Variants in OR2T35 observed in about 807,000 individuals in gnomAD.
OR2T35 encodes the protein olfactory receptor 2T35.
For synonymous variants in OR2T35, 18 were observed against 110.2 expected (o/e 0.16, Z 5.24); for missense variants, 47 against 278.8 (o/e 0.17, Z 5.92).
chr1:248,642,029 G>A (rs1415814814), intron 1 of OR2T35, among the ~76,000 whole-genome samples: 5 of 62,846 alleles, frequency 8.0e-5, no homozygotes, highest in Non-Finnish European at 2.7e-4. Flanking sequence ...AGTTACTTCT[G>A]TTTACATCGG....
chr1:248,639,809 C>T (rs2103108076), intron 1 of OR2T35, among the ~76,000 whole-genome samples: 1 of 11,732 alleles, frequency 8.5e-5, no homozygotes, highest in South Asian at 1.9e-3. Flanking sequence ...TACTGAACAG[C>T]TTTATGAAAG....
At position 248,638,775 on chromosome 1, in the gene OR2T35, CAGGA is replaced by C; in HGVS notation, c.480_483del (p.Pro161SerfsTer3). 1 of 1,178,744 alleles carries C rather than the reference CAGGA, an allele frequency of 8.5e-7. No homozygotes were observed. The highest frequency in any genetic ancestry group is 1.2e-6 in the Non-Finnish European group (1 of 835,270). 73.0% of individuals were successfully genotyped at this position (1,178,744 alleles called of 1,614,324 possible). A position where few individuals can be genotyped will look rare whatever the true frequency, so the allele number is the denominator to read the frequency against. On this transcript the variant is annotated frameshift_variant, in exon 2 of 2. Coordinates refer to ENST00000641268, the MANE Select transcript of OR2T35 (RefSeq NM_001001827.2). LOFTEE classifies it low-confidence loss of function (END_TRUNC). ...CTACAGAAGGGGAAACTCATAGTGACAGGAGTCAGCATGAACCCATCCAAGGAAC... is the reference window on the plus strand; with the variant it reads ...CTACAGAAGGGGAAACTCATAGTGACGTCAGCATGAACCCATCCAAGGAAC...
chr1:248,645,082 G>T (rs1234288012), intron 1 of OR2T35, among the ~76,000 whole-genome samples, 165 bp downstream of exon 1: 6 of 127,998 alleles, frequency 4.7e-5, no homozygotes, highest in African/African-American at 1.4e-4. Context: ...AATTTTCAGT[G>T]TGGAAAGTTA....
chr1:248,638,260 A>G lies in OR2T35; in HGVS notation c.*27T>C, dbSNP rs189304713. On this transcript the variant is annotated 3_prime_UTR_variant, in exon 2 of 2. Coordinates refer to ENST00000641268, the MANE Select transcript of OR2T35 (RefSeq NM_001001827.2). Reference sequence around the variant, plus strand: ...CCGCTAATCCTTCCCGATCACAGTCACCACTCTGATACTCTGGGAGTCCCT... The same window carrying G: ...CCGCTAATCCTTCCCGATCACAGTCGCCACTCTGATACTCTGGGAGTCCCT... 11 of 1,050,050 alleles carry G rather than the reference A, an allele frequency of 1.0e-5. No individual in the cohort carries two copies. The African/African-American group carries it at 2.0e-4, about 19-fold the overall frequency. The allele number at this position is 1,050,050 out of a possible 1,614,324, so 65.0% of individuals were successfully genotyped here. A position where few individuals can be genotyped will look rare whatever the true frequency, so the allele number is the denominator to read the frequency against.
rs1339418610 is a variant in OR2T35, at chr1:248,642,203, CA to C, written c.-22-2924del. Among the ~76,000 whole-genome samples, 317 of 65,786 alleles carry C rather than the reference CA, an allele frequency of 4.8e-3. 26 individuals carry two copies. Among genetic ancestry groups the C allele is most frequent in the Non-Finnish European group, 0.011 (236 of 21,596 alleles). The allele number at this position is 65,786 out of a possible 152,430, so 43.2% of individuals were successfully genotyped here. Reference sequence around the variant, plus strand: ...CTAAGACACTTAGGTTCCCCTTCATCAACTAGTCTTTCCAAAAAAAAAAAAA... The same window carrying C: ...CTAAGACACTTAGGTTCCCCTTCATCACTAGTCTTTCCAAAAAAAAAAAAA... On this transcript the variant is annotated intron_variant, in intron 1 of 1. Coordinates refer to ENST00000641268, the MANE Select transcript of OR2T35 (RefSeq NM_001001827.2).
rs199902940 is a variant in OR2T35, at chr1:248,641,713, A to AAAG, written c.-22-2434_-22-2433insCTT. Among the ~76,000 whole-genome samples the AAAG allele has an allele frequency of 1.6e-3, 119 of 73,586 alleles. 3 individuals are homozygous for AAAG. The highest frequency in any genetic ancestry group is 3.6e-3 in the African/African-American group (113 of 31,000). The allele number at this position is 73,586 out of a possible 152,430, so 48.3% of individuals were successfully genotyped here. On this transcript the variant is annotated intron_variant, in intron 1 of 1. Transcript: ENST00000641268. ...AGACCGTGTTAAAAAAAAAAAAAAA[A>AAAG]AGGTTCCTTGTGAGTGTGAGCGTTG...
chr1:248,638,220 A>G lies in OR2T35; in HGVS notation c.*67T>C. 1 of 949,966 alleles carries G rather than the reference A, an allele frequency of 1.1e-6. No homozygotes were observed. Among genetic ancestry groups the G allele is most frequent in the South Asian group, 1.3e-5 (1 of 74,162 alleles). The allele number at this position is 949,966 out of a possible 1,614,324, so 58.8% of individuals were successfully genotyped here. ...CCTTCCTGATCAGTCACCACCCCTG[A>G]TGCTCTGGGAGTCCCCGCTAATCCT... On this transcript the variant is annotated 3_prime_UTR_variant, in exon 2 of 2. Transcript: ENST00000641268.
At chr1:248,644,487 A>G (rs562980448) in intron 1 of OR2T35, among the ~76,000 whole-genome samples, 1 of 127,504 alleles carries the variant, frequency 7.8e-6, no homozygotes, top group Non-Finnish European at 1.6e-5. Flanking sequence ...AAGGCTCGAA[A>G]ATGGGAATTA....
At chr1:248,644,207 T>C (rs74861392) in intron 1 of OR2T35, among the ~76,000 whole-genome samples, 193 of 110,074 alleles carry the variant, frequency 1.8e-3, no homozygotes, top group Non-Finnish European at 3.1e-3. Flanking sequence ...ACTATGGAAA[T>C]GAAAGTGTTA....
rs369806576 is a variant in OR2T35 at position 248,638,149 on chromosome 1, G to A, written c.*138C>T. Reference sequence around the variant, plus strand: ...ATACCATATTTTCTGTAATAGCTGCGTTATTGGCCGCAGCACCGCAGATGT... The same window carrying A: ...ATACCATATTTTCTGTAATAGCTGCATTATTGGCCGCAGCACCGCAGATGT... On this transcript the variant is annotated 3_prime_UTR_variant, in exon 2 of 2. Coordinates refer to ENST00000641268, the MANE Select transcript of OR2T35 (RefSeq NM_001001827.2). The A allele has an allele frequency of 6.6e-5, 35 of 526,412 alleles. 1 individual carries two copies. Among genetic ancestry groups the A allele is most frequent in the South Asian group, 2.2e-4 (11 of 49,702 alleles). The allele number at this position is 526,412 out of a possible 1,614,324, so 32.6% of individuals were successfully genotyped here.
chr1:248,638,287 C>T lies in OR2T35; in HGVS notation c.972G>A (p.Ter324=), dbSNP rs180849677. The change falls in exon 2 of 2, where the codon TAG becomes TAA. Residue 324 remains the stop codon, a stop_retained_variant. Transcript: ENST00000641268. ...IRVATVIRKG[*] ...CACTCTGATACTCTGGGAGTCCCTGCTAGCCCTTCCTGATCACAGTCGCCA... is the reference window on the plus strand; with the variant it reads ...CACTCTGATACTCTGGGAGTCCCTGTTAGCCCTTCCTGATCACAGTCGCCA... The T allele has an allele frequency of 7.4e-4, 891 of 1,199,224 alleles. 87 individuals are homozygous for T. The African/African-American group carries it at 0.017, about 23-fold the overall frequency. 74.3% of individuals were successfully genotyped at this position (1,199,224 alleles called of 1,614,324 possible).
chr1:248,645,127 A>AT (rs1244697676), intron 1 of OR2T35, 120 bp downstream of exon 1: 1 of 56,450 alleles, frequency 1.8e-5, no homozygotes, highest in East Asian at 8.4e-4. Context: ...TGGCTTAAAA[A>AT]AAAAACAAAA....
In OR2T35 at chr1:248,645,233, A is replaced by G. The variant is rs1347140845; in HGVS notation, c.-23+14T>C. 2 of 124,826 alleles carry G rather than the reference A, an allele frequency of 1.6e-5. No homozygotes were observed. The highest frequency in any genetic ancestry group is 2.6e-4 in the South Asian group (1 of 3,790). The allele number at this position is 124,826 out of a possible 1,614,324, so 7.7% of individuals were successfully genotyped here. On this transcript the variant is annotated intron_variant, in intron 1 of 1. Coordinates refer to ENST00000641268, the MANE Select transcript of OR2T35 (RefSeq NM_001001827.2). The stretch of plus-strand genomic sequence containing the variant: ...TTTGATGAATACAGGTTTTAATGCT[A>G]CATGCCAACTTACCTAAACTACATT...
At chr1:248,644,687 AC>A (rs1660833608) in intron 1 of OR2T35, among the ~76,000 whole-genome samples, 1 of 133,368 alleles carries the variant, frequency 7.5e-6, no homozygotes, top group South Asian at 2.3e-4. Flanking sequence ...GAAATAAGGT[AC>A]TTATGAAAGA....
chr1:248,638,808 C>CA lies in OR2T35; in HGVS notation c.450dup (p.Gly151TrpfsTer20), dbSNP rs1660750071. 1 of 1,031,038 alleles carries CA rather than the reference C, an allele frequency of 9.7e-7. No individual in the cohort carries two copies. The highest frequency in any genetic ancestry group is 1.4e-6 in the Non-Finnish European group (1 of 703,908). The allele number at this position is 1,031,038 out of a possible 1,614,324, so 63.9% of individuals were successfully genotyped here. On this transcript the variant is annotated frameshift_variant, in exon 2 of 2. Transcript: ENST00000641268. LOFTEE classifies it low-confidence loss of function (END_TRUNC). ...AGCATGAACCCATCCAAGGAACCAC[C>CA]AACCCAGGAGCCGACCACCATGAAT...
In OR2T35 at chr1:248,641,609, T is replaced by C. The variant is rs1302272268; in HGVS notation, c.-22-2329A>G. ...TCAACCCCTAGATCTTATCTTACTG[T>C]AGGATCCCAGAAGAGGAGAGTAAAA... is the stretch of plus-strand genomic sequence containing the variant. On this transcript the variant is annotated intron_variant, in intron 1 of 1. Coordinates refer to ENST00000641268, the MANE Select transcript of OR2T35 (RefSeq NM_001001827.2). Among the ~76,000 whole-genome samples, 2 of 81,960 alleles carry C rather than the reference T, an allele frequency of 2.4e-5. 1 individual carries two copies. The highest frequency in any genetic ancestry group is 6.9e-5 in the Non-Finnish European group (2 of 29,186). The allele number at this position is 81,960 out of a possible 152,430, so 53.8% of individuals were successfully genotyped here.
intron 1 of OR2T35, among the ~76,000 whole-genome samples, chr1:248,644,251 C>CA (rs1267425985): frequency 7.9e-5 from 4 of 50,884 alleles, no homozygotes; most frequent in Non-Finnish European, 1.5e-4. Context: ...TTCTTTACCT[C>CA]AAAGGTTCAA....
At chr1:248,645,140 A>C (rs893408301) in intron 1 of OR2T35, 107 bp downstream of exon 1, 3 of 140,754 alleles carry the variant, frequency 2.1e-5, no homozygotes, top group South Asian at 2.2e-4. Context: ...AAACAAAACA[A>C]AATCAGCACT....
At chr1:248,641,767 ATG>A (rs1197929468) in intron 1 of OR2T35, among the ~76,000 whole-genome samples, 1 of 82,676 alleles carries the variant, frequency 1.2e-5, no homozygotes, top group African/African-American at 2.9e-5. Flanking sequence ...GTGTGTTCAT[ATG>A]TGAGTGTGTG....
Sources: gnomAD v4.1 joint callset for allele counts (sites outside exome capture counted in the v4.1 genomes callset) on GRCh38, gnomAD v4.1.1 for gene constraint, MANE v1.5 for transcripts, NCBI Gene and HGNC (gene_info 2026-07-23, HGNC 2026-07-21) for gene names.